The following TENM2 variants were observed in gnomAD, a reference collection of about 807,000 sequenced individuals.
The protein encoded by TENM2 is teneurin transmembrane protein 2.
A neutral mutation model predicts 245.2 loss-of-function variants in TENM2; 52 were observed. The observed-to-expected ratio is 0.21, with a 90% CI of 0.17 to 0.27. The LOEUF (loss-of-function observed/expected upper bound fraction) is 0.27, where lower values mean the gene tolerates loss of function less well. Among genes scored for constraint, TENM2 ranks in the 10% least tolerant of loss-of-function variants. The pLI, the probability that TENM2 is intolerant of heterozygous loss-of-function variation, is 1.00. For missense variants in TENM2, 3,046 were observed against 3,666.8 expected, an observed-to-expected ratio of 0.83 and a Z score of 4.37; for synonymous variants, 1,363 against 1,438.9, an observed-to-expected ratio of 0.95 and a Z score of 1.19.
the TENM2 span, among the ~76,000 whole-genome samples, chr5:167,086,241 T>C: frequency 6.6e-6 from 1 of 152,218 alleles, no homozygotes; most frequent in African/African-American, 2.4e-5. Flanking sequence ...GCTTATGTTC[T>C]CCCTCTCGCT....
At chr5:167,849,162 C>A (rs1770329689) in intron 2 of TENM2, among the ~76,000 whole-genome samples, 1 of 152,166 alleles carries the variant, frequency 6.6e-6, no homozygotes, top group South Asian at 2.1e-4. Flanking sequence ...AAGCTGCCTG[C>A]ATTCTTTGGT....
chr5:167,965,911 G>T (rs1781355107), intron 4 of TENM2, among the ~76,000 whole-genome samples: 1 of 152,182 alleles, frequency 6.6e-6, no homozygotes, highest in Non-Finnish European at 1.5e-5. Context: ...ACTAGGAAGG[G>T]CGGGGGCTGG....
intron 2 of TENM2, among the ~76,000 whole-genome samples, chr5:167,449,715 T>C (rs1237259526): frequency 1.3e-5 from 2 of 152,076 alleles, no homozygotes; most frequent in East Asian, 1.9e-4. Context: ...CCCAGCACTT[T>C]GGGAGGCCAA....
At chr5:167,319,039 A>T (rs115416111) in intron 1 of TENM2, among the ~76,000 whole-genome samples, 4,537 of 151,848 alleles carry the variant, frequency 0.03, 88 homozygotes, top group Middle Eastern at 0.054. Context: ...TAGAGATTTT[A>T]AAAAAAAATC....
chr5:167,202,164 T>C, the TENM2 span, among the ~76,000 whole-genome samples: 1 of 152,170 alleles, frequency 6.6e-6, no homozygotes, highest in African/African-American at 2.4e-5. Flanking sequence ...CTTAAAAATT[T>C]CTTGGATTCT....
At chr5:167,570,391 GAAA>G (rs796169157) in intron 2 of TENM2, among the ~76,000 whole-genome samples, 3 of 30,764 alleles carry the variant, frequency 9.8e-5, no homozygotes, top group East Asian at 2.6e-3. Context: ...AATTGGAGAA[GAAA>G]AAAAAAAACC....
intron 2 of TENM2, among the ~76,000 whole-genome samples, chr5:167,657,489 G>A (rs1561644770): frequency 6.6e-6 from 1 of 152,126 alleles, no homozygotes; most frequent in Non-Finnish European, 1.5e-5. Flanking sequence ...CTTTCCTTTG[G>A]ATAAATGCCC....
At chr5:168,091,388 A>G (rs1225957939) in intron 8 of TENM2, among the ~76,000 whole-genome samples, 3 of 152,178 alleles carry the variant, frequency 2.0e-5, no homozygotes, top group African/African-American at 7.2e-5. Flanking sequence ...ATTAGCTATC[A>G]AGAGAAAAGC....
chr5:168,040,398 G>A (rs1788081846), intron 5 of TENM2, among the ~76,000 whole-genome samples: 1 of 152,130 alleles, frequency 6.6e-6, no homozygotes, highest in Non-Finnish European at 1.5e-5. Context: ...GCAACCATTT[G>A]GAGCTGCAAG....
intron 2 of TENM2, among the ~76,000 whole-genome samples, chr5:167,857,203 T>C (rs1479033896): frequency 1.3e-5 from 2 of 152,220 alleles, no homozygotes; most frequent in African/African-American, 4.8e-5. Flanking sequence ...GAGGTATAGA[T>C]ACATGCAAGA....
At chr5:167,206,327 T>C in the TENM2 span, among the ~76,000 whole-genome samples, 1 of 152,164 alleles carries the variant, frequency 6.6e-6, no homozygotes, top group Admixed American at 6.5e-5. Flanking sequence ...TTATTATTTC[T>C]CTCCCTGCCT....
intron 7 of TENM2, among the ~76,000 whole-genome samples, chr5:168,068,888 C>T (rs1328977765): frequency 6.6e-6 from 1 of 151,492 alleles, no homozygotes; most frequent in East Asian, 1.9e-4. Context: ...GAATCTGTAA[C>T]AATGTTGAGT....
intron 2 of TENM2, among the ~76,000 whole-genome samples, chr5:167,500,993 T>C (rs569855076): frequency 2.0e-5 from 3 of 152,266 alleles, no homozygotes; most frequent in Middle Eastern, 3.4e-3. Flanking sequence ...GAGACTCCTT[T>C]AGTGTGATAA....
intron 2 of TENM2, among the ~76,000 whole-genome samples, chr5:167,852,319 G>A (rs758619476): frequency 2.0e-5 from 3 of 152,252 alleles, no homozygotes; most frequent in African/African-American, 4.8e-5. Flanking sequence ...AGCAATCAGC[G>A]CATGACTGTA....
At chr5:167,937,848 A>C (rs562547869) in intron 3 of TENM2, 1 of 152,268 alleles carries the variant, frequency 6.6e-6, no homozygotes, top group African/African-American at 2.4e-5. Context: ...GATTGGAGGA[A>C]ACCCAGGAGG....
At chr5:167,896,396 G>A (rs1256855842) in intron 3 of TENM2, among the ~76,000 whole-genome samples, 1 of 152,218 alleles carries the variant, frequency 6.6e-6, no homozygotes, top group Non-Finnish European at 1.5e-5. Context: ...GGCTGTGAAG[G>A]CCCTTGTCTG....
chr5:167,281,466 C>T (rs1480357330), upstream of TENM2, among the ~76,000 whole-genome samples: 1 of 151,968 alleles, frequency 6.6e-6, no homozygotes, highest in Non-Finnish European at 1.5e-5. Flanking sequence ...GTCTATTTGC[C>T]AACAGTCCGT....
chr5:168,067,978 A>G (rs1381432473), intron 7 of TENM2, among the ~76,000 whole-genome samples: 2 of 152,188 alleles, frequency 1.3e-5, no homozygotes, highest in Admixed American at 1.3e-4. Flanking sequence ...CGAGCTGTAG[A>G]GAACGATTGT....
intron 2 of TENM2, among the ~76,000 whole-genome samples, chr5:167,802,987 C>T (rs944992995): frequency 3.9e-5 from 6 of 152,174 alleles, no homozygotes; most frequent in African/African-American, 9.6e-5. Context: ...TTTGCAAAGA[C>T]GGTTGCTGAC....
Sources: allele counts gnomAD v4.1 joint callset (sites outside exome capture counted in the v4.1 genomes callset), GRCh38; gene constraint gnomAD v4.1.1; transcripts MANE v1.5; gene names NCBI Gene and HGNC (gene_info 2026-07-23, HGNC 2026-07-21).